The following SLC13A4 variants were observed in gnomAD, a reference collection of about 807,000 sequenced individuals.
SLC13A4 encodes solute carrier family 13 member 4.
In SLC13A4, 28 loss-of-function variants were observed where a neutral mutation model predicts 72.7. The ratio of observed to expected loss-of-function variants is 0.39; its 90% CI spans 0.29 to 0.53. The LOEUF (loss-of-function observed/expected upper bound fraction) is 0.53, where lower values mean the gene tolerates loss of function less well. SLC13A4 is among the 20% of genes least tolerant of loss of function. The probability of loss-of-function intolerance (pLI) is 0.78; values close to 1 mark genes in which losing one functional copy is unlikely to be tolerated. For synonymous variants in SLC13A4, 312 were observed against 325.5 expected, an observed-to-expected ratio of 0.96 and a Z score of 0.45; for missense variants, 653 against 788.0, an observed-to-expected ratio of 0.83 and a Z score of 2.05.
intron 15 of SLC13A4, 120 bp from the exon 16 acceptor site, chr7:135,681,820 C>A (rs1795509162): frequency 7.2e-7 from 1 of 1,381,002 alleles, no homozygotes; most frequent in Non-Finnish European, 9.8e-7. Flanking sequence ...CAGTTGCTGC[C>A]TGGGGTGCTC....
chr7:135,706,278 A>G lies in SLC13A4; in HGVS notation c.388T>C (p.Cys130Arg). Residue 130 changes from cysteine to arginine, a missense_variant, in exon 4 of 16, where the codon TGT (cysteine) becomes CGT (arginine). Coordinates refer to ENST00000682651, the MANE Select transcript of SLC13A4 (RefSeq NM_001318192.2). ...PGMLLLCFMC[C>R]TTLLSMWLSN... ...AGCCACATGGACAGCAACGTGGTACAGCACATGAAGCAGAGCAGCAGCCTG... is the reference window on the plus strand; with the variant it reads ...AGCCACATGGACAGCAACGTGGTACGGCACATGAAGCAGAGCAGCAGCCTG... 1.2e-6 allele frequency: 2 copies of G among 1,609,880 alleles called. No homozygotes were observed. Among genetic ancestry groups the G allele is most frequent in the South Asian group, 1.1e-5 (1 of 90,908 alleles).
chr7:135,721,005 T>C (rs1796536390), intron 2 of SLC13A4, among the ~76,000 whole-genome samples: 1 of 152,188 alleles, frequency 6.6e-6, no homozygotes, highest in African/African-American at 2.4e-5. Flanking sequence ...AGCTTTCTAA[T>C]GGGAGGTCTG....
intron 8 of SLC13A4, among the ~76,000 whole-genome samples, chr7:135,698,783 C>T (rs1272878817): frequency 6.6e-6 from 1 of 151,488 alleles, no homozygotes; most frequent in Non-Finnish European, 1.5e-5. Flanking sequence ...TACAGGTGTG[C>T]ACCACCACAC....
At chr7:135,701,790 G>A in intron 6 of SLC13A4, 30 bp from the exon 7 acceptor site, 1 of 1,605,522 alleles carries the variant, frequency 6.2e-7, no homozygotes, top group Non-Finnish European at 8.5e-7. Flanking sequence ...CTCACTATTA[G>A]GAAGAGGAAG....
At chr7:135,684,392 A>T in intron 14 of SLC13A4, 131 bp from the exon 15 acceptor site, 1 of 1,046,168 alleles carries the variant, frequency 9.6e-7, no homozygotes, top group Admixed American at 2.8e-5. Context: ...AGGGGTAGTT[A>T]GGTCTCTGCC....
In SLC13A4 at chr7:135,727,440, G is replaced by A. The variant is rs1182877781; in HGVS notation, c.57C>T (p.Val19=). 6.5e-7 allele frequency: 1 copy of A among 1,549,944 alleles called. No homozygotes were observed. Among genetic ancestry groups the A allele is most frequent in the Non-Finnish European group, 8.7e-7 (1 of 1,146,930 alleles). Residue 19 remains valine, a synonymous_variant, in exon 1 of 16, where the codon GTC becomes GTT. Transcript: ENST00000682651. ...CGGGCAGAGGCAGCAGCAGGAGCGG[G>A]ACGCAGACGACCAGCAGCAGCTTCC... ...RVRKLLLVVC[V]PLLLLPLPVL... is the part of the protein sequence containing the mutation.
chr7:135,686,881 AGC>A (rs1795639228), intron 13 of SLC13A4, among the ~76,000 whole-genome samples: 1 of 152,132 alleles, frequency 6.6e-6, no homozygotes, highest in South Asian at 2.1e-4. Flanking sequence ...ATGTGGTGAA[AGC>A]CCACCTTTAC....
In SLC13A4 at chr7:135,684,264, AG is replaced by A. The variant is rs754593331; in HGVS notation, c.1609-4del. 6.3e-7 allele frequency: 1 copy of A among 1,590,572 alleles called. No individual in the cohort carries two copies. The highest frequency in any genetic ancestry group is 2.3e-5 in the East Asian group (1 of 44,088). On this transcript the variant is annotated splice_polypyrimidine_tract_variant and splice_region_variant and intron_variant, in intron 14 of 15. Transcript: ENST00000682651. ...GGGTTAATGTGCAGCGTTTCAGACT[AG>A]AAGAGAGAATTCACAGAAACATTCA... is the stretch of plus-strand genomic sequence containing the variant.
chr7:135,691,299 T>C lies in SLC13A4; in HGVS notation c.1348A>G (p.Thr450Ala). ...TCCTTCCACGTGATGATGGGCTCGG[T>C]CCCCAGTGAGTGCTCCTGGTTCTCT... ...DGENQEHSLG[T>A]EPIITWKDFQ... Residue 450 changes from threonine (T) to alanine (A), a missense_variant, in exon 13 of 16, where the codon ACC (threonine) becomes GCC (alanine). By Grantham distance (58) the Thr-to-Ala change is moderately conservative. Coordinates refer to ENST00000682651, the MANE Select transcript of SLC13A4 (RefSeq NM_001318192.2). 1 of 1,613,278 alleles carries C rather than the reference T, an allele frequency of 6.2e-7. No homozygotes were observed.
intron 15 of SLC13A4, 128 bp from the exon 16 acceptor site, chr7:135,681,828 C>G: frequency 7.7e-7 from 1 of 1,301,326 alleles, no homozygotes; most frequent in South Asian, 1.5e-5. Context: ...GCCTGGGGTG[C>G]TCTAGCATTG....
intron 8 of SLC13A4, among the ~76,000 whole-genome samples, chr7:135,696,988 G>C (rs986129053): frequency 6.6e-6 from 1 of 152,170 alleles, no homozygotes; most frequent in African/African-American, 2.4e-5. Context: ...AAATATGTGA[G>C]CTTAATATTT....
At chr7:135,699,689 T>C (rs1166990240) in intron 7 of SLC13A4, 141 bp from the exon 8 acceptor site, 1 of 649,456 alleles carries the variant, frequency 1.5e-6, no homozygotes, top group Non-Finnish European at 2.5e-6. Flanking sequence ...CTACCATTTG[T>C]CAACTTGGGC....
chr7:135,727,415 C>T lies in SLC13A4; in HGVS notation c.82G>A (p.Val28Ile), dbSNP rs1224064736. 1.3e-6 allele frequency: 2 copies of T among 1,549,614 alleles called. No individual in the cohort carries two copies. The highest frequency in any genetic ancestry group is 2.4e-5 in the East Asian group (1 of 40,908). Reference protein sequence around the residue: ...CVPLLLLPLPVLHPSSEASCA... With the variant: ...CVPLLLLPLPILHPSSEASCA... Reference sequence around the variant, plus strand: ...GTACTCACGCTGCTGGGGTGGAGGACGGGCAGAGGCAGCAGCAGGAGCGGG... The same window carrying T: ...GTACTCACGCTGCTGGGGTGGAGGATGGGCAGAGGCAGCAGCAGGAGCGGG... The change falls in exon 1 of 16, where the codon GTC becomes ATC. Residue 28 changes from valine (V) to isoleucine (I), a missense_variant. Val to Ile is a conservative substitution (Grantham distance 29, BLOSUM62 3). Coordinates refer to ENST00000682651, the MANE Select transcript of SLC13A4 (RefSeq NM_001318192.2).
intron 15 of SLC13A4, chr7:135,683,577 A>T: frequency 2.0e-6 from 2 of 985,344 alleles, no homozygotes; most frequent in Non-Finnish European, 2.4e-6. Context: ...GCAGCAAAAT[A>T]TCTCAAAGCC....
At chr7:135,706,383 T>C in intron 3 of SLC13A4, 83 bp from the exon 4 acceptor site, 1 of 1,429,484 alleles carries the variant, frequency 7.0e-7, no homozygotes, top group East Asian at 2.3e-5. Flanking sequence ...ACCAACCTGC[T>C]GGGGCTGGTC....
intron 13 of SLC13A4, among the ~76,000 whole-genome samples, chr7:135,689,288 G>A (rs1489312972): frequency 3.3e-5 from 5 of 152,104 alleles, no homozygotes; most frequent in Non-Finnish European, 7.4e-5. Flanking sequence ...TCCCGAACTT[G>A]GAATGAGAAA....
intron 8 of SLC13A4, 29 bp from the exon 9 acceptor site, chr7:135,695,516 T>G (rs1168762314): frequency 4.4e-6 from 7 of 1,607,616 alleles, no homozygotes; most frequent in Non-Finnish European, 5.9e-6. Flanking sequence ...GGTCAGCAAT[T>G]AGAAAGGGAG....
chr7:135,713,246 G>T (rs1474236203), intron 2 of SLC13A4, among the ~76,000 whole-genome samples: 1 of 152,162 alleles, frequency 6.6e-6, no homozygotes, highest in African/African-American at 2.4e-5. Context: ...ACATTTGCAT[G>T]GTGGTTTGAT....
Position 135,720,478 on chromosome 7 carries a change from A to G in SLC13A4, c.228+917T>C, listed in dbSNP as rs527375278. 6.0e-5 allele frequency among the ~76,000 whole-genome samples: 9 copies of G among 151,126 alleles called. No individual in the cohort carries two copies. In the East Asian group the frequency reaches 1.8e-3, roughly 30 times the overall value. On this transcript the variant is annotated intron_variant, in intron 2 of 15. Transcript: ENST00000682651. Reference sequence around the variant, plus strand: ...CCTGGCGCTTAGTAGGCATTCAAATATGAGCTTCCTTTCCTCTTCTTTCTG... The same window carrying G: ...CCTGGCGCTTAGTAGGCATTCAAATGTGAGCTTCCTTTCCTCTTCTTTCTG...
Sources: gnomAD v4.1 joint callset for allele counts (sites outside exome capture counted in the v4.1 genomes callset) on GRCh38, gnomAD v4.1.1 for gene constraint, MANE v1.5 for transcripts, NCBI Gene and HGNC (gene_info 2026-07-23, HGNC 2026-07-21) for gene names.